The following MXI1 variants were observed in gnomAD, a reference collection of about 807,000 sequenced individuals.
MXI1 encodes max-interacting protein 1.
Under a neutral mutation model 36.9 loss-of-function variants are expected in MXI1, and 18 were observed. The ratio of observed to expected loss-of-function variants is 0.49; its 90% CI spans 0.34 to 0.72. The LOEUF (loss-of-function observed/expected upper bound fraction) is 0.72, where lower values mean the gene tolerates loss of function less well. Among genes scored for constraint, MXI1 ranks in the 30% least tolerant of loss-of-function variants. MXI1 has a pLI of 0.01. For missense variants in MXI1, 304 were observed against 379.1 expected (o/e 0.80, Z 1.64); for synonymous variants, 160 against 146.7 (o/e 1.09, Z -0.65).
chr10:110,235,755 G>A (rs1855442673), intron 2 of MXI1, among the ~76,000 whole-genome samples: 1 of 150,898 alleles, frequency 6.6e-6, no homozygotes, highest in Non-Finnish European at 1.5e-5. Context: ...TTATGCCTGT[G>A]TTCCCAACAC....
At chr10:110,264,134 G>T (rs1385318010) in intron 3 of MXI1, among the ~76,000 whole-genome samples, 2 of 151,874 alleles carry the variant, frequency 1.3e-5, no homozygotes, top group Non-Finnish European at 2.9e-5. Flanking sequence ...TTCCACAAAG[G>T]TATATGAGTT....
At chr10:110,270,527 G>C (rs759162608) in intron 3 of MXI1, among the ~76,000 whole-genome samples, 24 of 151,182 alleles carry the variant, frequency 1.6e-4, no homozygotes, top group Admixed American at 9.9e-4. Context: ...TTGTTTATAT[G>C]TTCTGCACTA....
chr10:110,212,236 T>C (rs1309369870), intron 1 of MXI1, among the ~76,000 whole-genome samples: 1 of 152,116 alleles, frequency 6.6e-6, no homozygotes, highest in Non-Finnish European at 1.5e-5. Context: ...TGGGGTGCTT[T>C]CCTAGGGGCA....
intron 5 of MXI1, 113 bp downstream of exon 5, chr10:110,280,198 T>G: frequency 1.1e-6 from 1 of 875,488 alleles, no homozygotes; most frequent in South Asian, 2.9e-5. Context: ...CAGAGTAACA[T>G]TGTAGGTTTT....
intron 4 of MXI1, 27 bp downstream of exon 4, chr10:110,279,321 A>C: frequency 6.3e-7 from 1 of 1,574,806 alleles, no homozygotes; most frequent in African/African-American, 1.3e-5. Flanking sequence ...TCAGATTTGC[A>C]CAATTCCCTC....
intron 1 of MXI1, among the ~76,000 whole-genome samples, chr10:110,214,420 CTCCTGCTGCCTT>C (rs1246711166): frequency 6.6e-6 from 1 of 152,072 alleles, no homozygotes; most frequent in African/African-American, 2.4e-5. Context: ...CACCACCCCC[CTCCTGCTGCCTT>C]TCCCAAGTCT....
chr10:110,210,969 G>T lies in MXI1; in HGVS notation c.274+2887G>T, dbSNP rs529916541. The stretch of plus-strand genomic sequence containing the variant: ...GGAGAGGGATCTGGGCGTTCCGATA[G>T]GATTCCAGCATCTACCGGGTCCCTG... On this transcript the variant is annotated intron_variant, in intron 1 of 5. Coordinates refer to ENST00000332674, the MANE Select transcript of MXI1 (RefSeq NM_130439.3). 3.9e-5 allele frequency among the ~76,000 whole-genome samples: 6 copies of T among 152,286 alleles called. No individual in the cohort carries two copies. In the East Asian group the frequency reaches 1.2e-3, roughly 29 times the overall value.
chr10:110,270,480 T>A (rs1856822462), intron 3 of MXI1, among the ~76,000 whole-genome samples: 1 of 152,032 alleles, frequency 6.6e-6, no homozygotes. Context: ...AATGAAGTCT[T>A]CCTTAGACAT....
intron 3 of MXI1, among the ~76,000 whole-genome samples, chr10:110,255,585 AC>A (rs1564718434): frequency 6.6e-6 from 1 of 152,226 alleles, no homozygotes; most frequent in East Asian, 1.9e-4. Context: ...AGAATAAAAT[AC>A]CTAGGAATAA....
chr10:110,248,144 A>G lies in MXI1; in HGVS notation c.437+3287A>G, dbSNP rs559516710. Among the ~76,000 whole-genome samples the G allele has an allele frequency of 4.5e-4, 68 of 152,310 alleles. 1 individual carries two copies. The South Asian group carries it at 0.011, about 24-fold the overall frequency. On this transcript the variant is annotated intron_variant, in intron 3 of 5. Coordinates refer to ENST00000332674, the MANE Select transcript of MXI1 (RefSeq NM_130439.3). ...CTCACTCATAGGTGGGAATTGAACA[A>G]TGACAACACATGGACACAGGAAGGG...
intron 3 of MXI1, among the ~76,000 whole-genome samples, chr10:110,273,901 G>A (rs1177067500): frequency 2.6e-5 from 4 of 152,182 alleles, no homozygotes; most frequent in Non-Finnish European, 5.9e-5. Context: ...ATCTATTATT[G>A]TTGGACAGGG....
intron 3 of MXI1, among the ~76,000 whole-genome samples, chr10:110,266,331 A>T (rs1856677812): frequency 6.6e-6 from 1 of 152,108 alleles, no homozygotes; most frequent in Non-Finnish European, 1.5e-5. Flanking sequence ...GCTAGTCTCG[A>T]ACTCCTGACC....
At chr10:110,209,938 C>G (rs1423069037) in intron 1 of MXI1, among the ~76,000 whole-genome samples, 2 of 151,118 alleles carry the variant, frequency 1.3e-5, no homozygotes, top group African/African-American at 2.4e-5. Flanking sequence ...AGCCACCCCC[C>G]CTCACCAGCG....
chr10:110,208,226 A>G, intron 1 of MXI1, 144 bp downstream of exon 1: 1 of 802,762 alleles, frequency 1.2e-6, no homozygotes, highest in South Asian at 2.0e-5. Flanking sequence ...ATGACACCGG[A>G]GAAAGGACAC....
intron 2 of MXI1, among the ~76,000 whole-genome samples, chr10:110,237,569 T>C (rs61882783): frequency 0.029 from 4,379 of 152,286 alleles, 360 homozygotes; most frequent in East Asian, 0.28. Flanking sequence ...GTTGCAGTAC[T>C]GATACTAACA....
At chr10:110,238,202 A>T (rs548085794) in intron 2 of MXI1, among the ~76,000 whole-genome samples, 2 of 152,176 alleles carry the variant, frequency 1.3e-5, no homozygotes, top group African/African-American at 4.8e-5. Context: ...ATGGTTGTCA[A>T]TTCCCAGTAC....
chr10:110,271,888 G>T (rs1338343483), intron 3 of MXI1, among the ~76,000 whole-genome samples: 1 of 152,160 alleles, frequency 6.6e-6, no homozygotes, highest in African/African-American at 2.4e-5. Flanking sequence ...TGTGGTATCT[G>T]TGTAGTTTGA....
chr10:110,259,156 T>C (rs2134425296), intron 3 of MXI1, among the ~76,000 whole-genome samples: 1 of 152,270 alleles, frequency 6.6e-6, no homozygotes, highest in South Asian at 2.1e-4. Flanking sequence ...TGGTAGCTTT[T>C]TATGCAAGTG....
At chr10:110,214,801 G>A (rs984130198) in intron 1 of MXI1, among the ~76,000 whole-genome samples, 4 of 150,124 alleles carry the variant, frequency 2.7e-5, no homozygotes, top group African/African-American at 9.8e-5. Context: ...GCTTCCAAAT[G>A]TCCTGTTTTG....
Sources: gnomAD v4.1 joint callset for allele counts (sites outside exome capture counted in the v4.1 genomes callset) on GRCh38, gnomAD v4.1.1 for gene constraint, MANE v1.5 for transcripts, NCBI Gene and HGNC (gene_info 2026-07-23, HGNC 2026-07-21) for gene names.